Variants in SUMF1 observed in about 807,000 individuals in gnomAD.
SUMF1 encodes formylglycine-generating enzyme.
SUMF1 carries 48 observed loss-of-function variants against 47.6 expected under a neutral mutation model. That is an observed-to-expected ratio of 1.01 (90% CI 0.80 to 1.28). SUMF1 has a LOEUF of 1.28. Ranked by LOEUF, SUMF1 falls within the 50% of genes most tolerant of loss-of-function variation. The probability of loss-of-function intolerance (pLI) is 0.00; values close to 1 mark genes in which losing one functional copy is unlikely to be tolerated. For missense variants in SUMF1, 571 were observed against 485.4 expected, an observed-to-expected ratio of 1.18 and a Z score of -1.66; for synonymous variants, 230 against 192.1, an observed-to-expected ratio of 1.20 and a Z score of -1.63.
intron 8 of SUMF1, among the ~76,000 whole-genome samples, chr3:4,295,285 G>A (rs1697827637): frequency 1.3e-5 from 2 of 152,140 alleles, no homozygotes; most frequent in African/African-American, 4.8e-5. Flanking sequence ...TCTCTAAGAA[G>A]GATTCCAGTC....
intron 8 of SUMF1, among the ~76,000 whole-genome samples, chr3:4,199,862 T>C (rs1435625760): frequency 6.6e-6 from 1 of 152,172 alleles, no homozygotes; most frequent in Non-Finnish European, 1.5e-5. Flanking sequence ...TTTTCGTACC[T>C]GGACATAAGT....
chr3:4,235,633 A>C (rs1696390608), intron 8 of SUMF1, among the ~76,000 whole-genome samples: 1 of 152,090 alleles, frequency 6.6e-6, no homozygotes, highest in South Asian at 2.1e-4. Flanking sequence ...CAAATGTATT[A>C]CCTCTATGTA....
At chr3:4,191,563 T>C (rs890914220) in intron 8 of SUMF1, among the ~76,000 whole-genome samples, 1 of 152,048 alleles carries the variant, frequency 6.6e-6, no homozygotes, top group Non-Finnish European at 1.5e-5. Flanking sequence ...GGGGAATGAA[T>C]TGAAAGAAAG....
At chr3:4,066,587 T>C (rs978471607) in intron 9 of SUMF1, among the ~76,000 whole-genome samples, 3 of 152,070 alleles carry the variant, frequency 2.0e-5, no homozygotes, top group Non-Finnish European at 1.5e-5. Context: ...CCAGACCCAT[T>C]ATTCCTCCTG....
At chr3:4,100,071 TCCTTGG>T (rs1288241122) in intron 8 of SUMF1, among the ~76,000 whole-genome samples, 1 of 150,704 alleles carries the variant, frequency 6.6e-6, no homozygotes, top group East Asian at 2.0e-4. Flanking sequence ...ATTCTTCCAA[TCCTTGG>T]ATTGGAAGAA....
At chr3:4,282,739 C>G (rs1229801219) in intron 8 of SUMF1, among the ~76,000 whole-genome samples, 1 of 152,208 alleles carries the variant, frequency 6.6e-6, no homozygotes, top group Admixed American at 6.5e-5. Flanking sequence ...AAAACACTCT[C>G]TTAAAAGAAG....
intron 9 of SUMF1, among the ~76,000 whole-genome samples, chr3:4,056,266 C>T (rs1005608944): frequency 6.6e-6 from 1 of 152,172 alleles, no homozygotes; most frequent in Non-Finnish European, 1.5e-5. Context: ...CAAGCCATTA[C>T]ACCAGGTAAT....
intron 8 of SUMF1, among the ~76,000 whole-genome samples, chr3:4,320,632 GTCTC>G (rs1174724836): frequency 1.9e-4 from 29 of 152,190 alleles, no homozygotes; most frequent in Non-Finnish European, 2.6e-4. Flanking sequence ...TGTAAATAAA[GTCTC>G]TCAGGTCATA....
Position 4,362,253 on chromosome 3 carries a change from G to A in SUMF1, c.1016C>T (p.Ser339Phe), listed in dbSNP as rs970227738. The change falls in exon 9 of 9, where the codon TCT becomes TTT. Residue 339 changes from serine (S) to phenylalanine (F), a missense_variant and splice_region_variant. Physicochemically the swap from Ser to Phe is radical, Grantham distance 155 (BLOSUM62 -2). Transcript: ENST00000272902. ...KKGGSYMCHR[S>F]YCYRYRCAAR... ...AGCACAGCGATACCTGTAACAATAA[G>A]ACTGTGTAGAGAGAAAGAGCAAGGT... 2 of 1,613,746 alleles carry A rather than the reference G, an allele frequency of 1.2e-6. No homozygotes were observed. Among genetic ancestry groups the A allele is most frequent in the Non-Finnish European group, 1.7e-6 (2 of 1,179,684 alleles).
chr3:4,115,553 C>T (rs778689880), intron 8 of SUMF1, among the ~76,000 whole-genome samples: 11 of 134,032 alleles, frequency 8.2e-5, no homozygotes, highest in Non-Finnish European at 9.6e-5. Flanking sequence ...AGCCCAAAAA[C>T]GCTCCTCACG....
At chr3:4,118,532 A>G (rs1200064272) in intron 8 of SUMF1, among the ~76,000 whole-genome samples, 1 of 152,148 alleles carries the variant, frequency 6.6e-6, no homozygotes, top group Non-Finnish European at 1.5e-5. Context: ...TTAAATGTGT[A>G]CCTATATTGC....
chr3:4,269,371 C>T (rs1697261093), intron 8 of SUMF1, among the ~76,000 whole-genome samples: 1 of 152,170 alleles, frequency 6.6e-6, no homozygotes, highest in South Asian at 2.1e-4. Context: ...GTTTGCGCTT[C>T]ATAATTCACT....
intron 8 of SUMF1, among the ~76,000 whole-genome samples, chr3:4,298,168 T>C (rs1166631016): frequency 1.3e-5 from 2 of 152,208 alleles, no homozygotes; most frequent in Non-Finnish European, 2.9e-5. Flanking sequence ...GGGCAATTCA[T>C]TAATGTCCAG....
rs1352347865 is a variant in SUMF1 at position 4,165,876 on chromosome 3, G to A, written c.1015-97131C>T. Among the ~76,000 whole-genome samples, 11 of 91,550 alleles carry A rather than the reference G, an allele frequency of 1.2e-4. No homozygotes were observed. In the East Asian group the frequency reaches 1.5e-3, roughly 12 times the overall value. 60.1% of individuals were successfully genotyped at this position (91,550 alleles called of 152,430 possible). A position where few individuals can be genotyped will look rare whatever the true frequency, so the allele number is the denominator to read the frequency against. On this transcript the variant is annotated intron_variant and NMD_transcript_variant, in intron 8 of 12. Coordinates refer to the SUMF1 transcript ENST00000448413. ...ATTTGTTTGTTTCCCCCCCCCCCCC[G>A]AGCAAGAACCTGCAATGGTCCCTGG...
intron 8 of SUMF1, among the ~76,000 whole-genome samples, chr3:4,250,415 A>T (rs1389948486): frequency 1.3e-5 from 2 of 152,174 alleles, no homozygotes; most frequent in East Asian, 3.9e-4. Context: ...TTTCCTGAAC[A>T]TGAAAGTGCA....
At chr3:4,134,682 A>C (rs1012907036) in intron 8 of SUMF1, among the ~76,000 whole-genome samples, 3 of 152,114 alleles carry the variant, frequency 2.0e-5, no homozygotes, top group African/African-American at 7.2e-5. Flanking sequence ...CGAATCCAGG[A>C]GCTGGTTTTT....
intron 3 of SUMF1, among the ~76,000 whole-genome samples, chr3:4,442,170 A>C (rs1702613287): frequency 6.6e-6 from 1 of 152,136 alleles, no homozygotes; most frequent in Admixed American, 6.5e-5. Flanking sequence ...CACTGGAAGG[A>C]ATTTTGCCCA....
At chr3:4,370,957 C>T (rs1311274278) in intron 8 of SUMF1, among the ~76,000 whole-genome samples, 2 of 152,084 alleles carry the variant, frequency 1.3e-5, no homozygotes, top group African/African-American at 4.8e-5. Flanking sequence ...AGAATTAAAC[C>T]CTAAAAAGCA....
intron 8 of SUMF1, among the ~76,000 whole-genome samples, chr3:4,238,951 A>G (rs1696474981): frequency 6.6e-6 from 1 of 152,128 alleles, no homozygotes; most frequent in South Asian, 2.1e-4. Context: ...TAATTTTTCT[A>G]TAAGGTGTAA....
Sources: allele counts gnomAD v4.1 joint callset (sites outside exome capture counted in the v4.1 genomes callset), GRCh38; gene constraint gnomAD v4.1.1; transcripts MANE v1.5; gene names NCBI Gene and HGNC (gene_info 2026-07-23, HGNC 2026-07-21).